NXPH1: variants seen among roughly 807,000 people sequenced by gnomAD.
NXPH1 encodes the protein neurexophilin-1.
In NXPH1, 5 loss-of-function variants were observed where a neutral mutation model predicts 23.7. That is an observed-to-expected ratio of 0.21 (90% CI 0.11 to 0.44). The LOEUF is 0.44. Ranked by LOEUF, NXPH1 falls within the 20% of genes least tolerant of loss-of-function variation. NXPH1 has a pLI of 0.99. For missense variants in NXPH1, 324 were observed against 321.6 expected (o/e 1.01, Z -0.06); for synonymous variants, 144 against 122.2 (o/e 1.18, Z -1.18).
At chr7:8,524,760 T>C (rs1368769913) in intron 2 of NXPH1, among the ~76,000 whole-genome samples, 1 of 152,202 alleles carries the variant, frequency 6.6e-6, no homozygotes, top group African/African-American at 2.4e-5. Context: ...GTTTCCACTT[T>C]TGCTTCATCC....
At position 8,462,870 on chromosome 7, in the gene NXPH1, G is replaced by T. The variant is rs562861680; in HGVS notation, c.54+27103G>T. 1.8e-4 allele frequency among the ~76,000 whole-genome samples: 28 copies of T among 152,234 alleles called. No individual in the cohort carries two copies. The Middle Eastern group carries it at 0.014, about 74-fold the overall frequency. On this transcript the variant is annotated intron_variant, in intron 2 of 2. Coordinates refer to ENST00000405863, the MANE Select transcript of NXPH1 (RefSeq NM_152745.3). ...CTTAGTTATTTCCTTTGGATAAATTGCTAAAAGAGGAATTGCTGGATTGAG... is the reference window on the plus strand; with the variant it reads ...CTTAGTTATTTCCTTTGGATAAATTTCTAAAAGAGGAATTGCTGGATTGAG...
intron 2 of NXPH1, among the ~76,000 whole-genome samples, chr7:8,698,876 C>T (rs2115188380): frequency 6.6e-6 from 1 of 152,222 alleles, no homozygotes; most frequent in African/African-American, 2.4e-5. Context: ...CCCAGAGTGT[C>T]TCTAAAGCCC....
chr7:8,513,599 T>C (rs1419109285), intron 2 of NXPH1, among the ~76,000 whole-genome samples: 1 of 152,118 alleles, frequency 6.6e-6, no homozygotes, highest in Non-Finnish European at 1.5e-5. Context: ...AGGTAAGGGA[T>C]TGTATACCTT....
At chr7:8,485,627 G>T (rs866088818) in intron 2 of NXPH1, among the ~76,000 whole-genome samples, 1 of 152,082 alleles carries the variant, frequency 6.6e-6, no homozygotes, top group Non-Finnish European at 1.5e-5. Flanking sequence ...TAGACTAGAG[G>T]TATAGTATTT....
chr7:8,750,895 TA>T (rs142824259), intron 2 of NXPH1, 112 bp from the exon 3 acceptor site: 53 of 1,077,382 alleles, frequency 4.9e-5, no homozygotes, highest in African/African-American at 6.3e-5. Context: ...GCGGTGCTTT[TA>T]AAAAAAAGTG....
At chr7:8,557,560 C>A (rs1239094641) in intron 2 of NXPH1, among the ~76,000 whole-genome samples, 1 of 151,632 alleles carries the variant, frequency 6.6e-6, no homozygotes, top group Non-Finnish European at 1.5e-5. Context: ...ATGTCAACCG[C>A]CTTTAAGGGT....
At chr7:8,443,639 A>G (rs1332289680) in intron 2 of NXPH1, among the ~76,000 whole-genome samples, 2 of 152,208 alleles carry the variant, frequency 1.3e-5, no homozygotes, top group Non-Finnish European at 2.9e-5. Context: ...ATTCACGGGG[A>G]GCAGGACAAA....
chr7:8,687,005 A>G (rs1379096412), intron 2 of NXPH1, among the ~76,000 whole-genome samples: 1 of 152,164 alleles, frequency 6.6e-6, no homozygotes, highest in Non-Finnish European at 1.5e-5. Flanking sequence ...TCATGAAGAC[A>G]AAGTATGTCA....
chr7:8,617,660 T>C (rs1176467655), intron 2 of NXPH1, among the ~76,000 whole-genome samples: 1 of 151,956 alleles, frequency 6.6e-6, no homozygotes, highest in Non-Finnish European at 1.5e-5. Context: ...CTGGGAAAGA[T>C]AGTGGGGAGA....
intron 2 of NXPH1, among the ~76,000 whole-genome samples, chr7:8,544,623 T>C (rs1818172857): frequency 6.6e-6 from 1 of 151,642 alleles, no homozygotes; most frequent in South Asian, 2.1e-4. Flanking sequence ...GATGATGGTG[T>C]CATTTTGATT....
intron 2 of NXPH1, among the ~76,000 whole-genome samples, chr7:8,570,026 T>A (rs1424050195): frequency 6.6e-6 from 1 of 151,892 alleles, no homozygotes; most frequent in South Asian, 2.1e-4. Context: ...CATTCACTCC[T>A]CAATAAAGTG....
At chr7:8,503,325 A>T (rs775259771) in intron 2 of NXPH1, among the ~76,000 whole-genome samples, 9 of 151,882 alleles carry the variant, frequency 5.9e-5, no homozygotes, top group Non-Finnish European at 1.0e-4. Context: ...TAGGGTTTGA[A>T]CCTGAGTATT....
intron 2 of NXPH1, among the ~76,000 whole-genome samples, chr7:8,507,786 C>T (rs1008229357): frequency 2.6e-5 from 4 of 152,100 alleles, no homozygotes; most frequent in African/African-American, 7.2e-5. Context: ...AGAAAATAAG[C>T]AGTCTTTCCT....
intron 2 of NXPH1, among the ~76,000 whole-genome samples, chr7:8,482,817 A>T (rs1817097044): frequency 6.6e-6 from 1 of 152,240 alleles, no homozygotes; most frequent in South Asian, 2.1e-4. Flanking sequence ...AGCGGGCCTT[A>T]TCCCAGCATT....
At chr7:8,688,821 A>T (rs952462889) in intron 2 of NXPH1, among the ~76,000 whole-genome samples, 2 of 152,212 alleles carry the variant, frequency 1.3e-5, no homozygotes, top group Admixed American at 6.5e-5. Flanking sequence ...TAGGATTTCA[A>T]TTTATCAGAA....
In NXPH1 at chr7:8,442,816, G is replaced by T. The variant is rs370013690; in HGVS notation, c.54+7049G>T. Among the ~76,000 whole-genome samples, 1 of 152,252 alleles carries T rather than the reference G, an allele frequency of 6.6e-6. No homozygotes were observed. The highest frequency in any genetic ancestry group is 1.9e-4 in the East Asian group (1 of 5,200). ...CCGGAGCCCAAGTCCCCATGCAAAA[G>T]CGCTGTTTCTGGGTAATTTTCGTCG... On this transcript the variant is annotated intron_variant, in intron 2 of 2. Coordinates refer to ENST00000405863, the MANE Select transcript of NXPH1 (RefSeq NM_152745.3). This position sits in a 1 kb window ranked among gnomAD's most constrained non-coding sequence, Gnocchi z 4.6.
intron 2 of NXPH1, among the ~76,000 whole-genome samples, chr7:8,717,803 C>G (rs1274680662): frequency 6.6e-6 from 1 of 151,546 alleles, no homozygotes; most frequent in South Asian, 2.1e-4. Context: ...TTTTAAAGTG[C>G]ATTTGAGAAT....
At chr7:8,743,129 ATGTT>A (rs1448323319) in intron 2 of NXPH1, among the ~76,000 whole-genome samples, 1 of 152,138 alleles carries the variant, frequency 6.6e-6, no homozygotes, top group African/African-American at 2.4e-5. Flanking sequence ...TCATAGAGCA[ATGTT>A]TGTTTGTTGG....
intron 2 of NXPH1, among the ~76,000 whole-genome samples, chr7:8,743,975 C>T (rs549715413): frequency 3.1e-4 from 47 of 152,210 alleles, no homozygotes; most frequent in African/African-American, 1.0e-3. Context: ...TGAGCCACCG[C>T]GCCCTGCCAA....
Sources: allele counts gnomAD v4.1 joint callset (sites outside exome capture counted in the v4.1 genomes callset), GRCh38; gene constraint gnomAD v4.1.1; non-coding constraint Gnocchi (gnomAD v3.1); transcripts MANE v1.5; gene names NCBI Gene and HGNC (gene_info 2026-07-23, HGNC 2026-07-21).